The following UNC13A variants were observed in gnomAD, a reference collection of about 807,000 sequenced individuals.
UNC13A encodes the protein protein unc-13 homolog A.
Under a neutral mutation model 219.7 loss-of-function variants are expected in UNC13A, and 61 were observed. That is an observed-to-expected ratio of 0.28 (90% CI 0.23 to 0.34). The LOEUF (loss-of-function observed/expected upper bound fraction) is 0.34, where lower values mean the gene tolerates loss of function less well. Among genes scored for constraint, UNC13A ranks in the 10% least tolerant of loss-of-function variants. The probability of loss-of-function intolerance (pLI) is 1.00; values close to 1 mark genes in which losing one functional copy is unlikely to be tolerated. For synonymous variants in UNC13A, 920 were observed against 884.6 expected (o/e 1.04, Z -0.71); for missense variants, 1,476 against 2,270.3 (o/e 0.65, Z 7.11).
chr19:17,652,700 T>C lies in UNC13A; in HGVS notation c.1393-23A>G, dbSNP rs774623699. 5.6e-6 allele frequency: 9 copies of C among 1,613,364 alleles called. No homozygotes were observed. In the East Asian group the frequency reaches 6.7e-5, roughly 12 times the overall value. ...GGCCTGCAGGACAGACAGACAGATA[T>C]GGTCAGTGTGGCTGTCCCTCCCCTC... is the stretch of plus-strand genomic sequence containing the variant. On this transcript the variant is annotated intron_variant, in intron 11 of 43. Coordinates refer to ENST00000519716, the MANE Select transcript of UNC13A (RefSeq NM_001080421.3).
intron 1 of UNC13A, among the ~76,000 whole-genome samples, chr19:17,677,307 C>G (rs2079917108): frequency 6.6e-6 from 1 of 152,038 alleles, no homozygotes; most frequent in East Asian, 1.9e-4. Context: ...ACTCCCACCC[C>G]CAATCTTCTC....
At position 17,668,266 on chromosome 19, in the gene UNC13A, C is replaced by T; in HGVS notation, c.395-76G>A. On this transcript the variant is annotated intron_variant, in intron 5 of 43. Transcript: ENST00000519716. ...GCCTCCATCCTCCAGGCCTACTGAG[C>T]TCCACCCGGGCCCTGGCTTCTGGGG... is the stretch of plus-strand genomic sequence containing the variant. 13 of 1,456,570 alleles carry T rather than the reference C, an allele frequency of 8.9e-6. No individual in the cohort carries two copies. In the South Asian group the frequency reaches 9.5e-5, roughly 11 times the overall value. The allele number at this position is 1,456,570 out of a possible 1,614,324, so 90.2% of individuals were successfully genotyped here. A position where few individuals can be genotyped will look rare whatever the true frequency, so the allele number is the denominator to read the frequency against.
chr19:17,618,311 C>T (rs2287850), intron 40 of UNC13A, 110 bp downstream of exon 40: 497,835 of 1,161,790 alleles, frequency 0.43, 112,405 homozygotes, highest in African/African-American at 0.54. Context: ...GAGGGAGTGT[C>T]CATAAATTGA....
At chr19:17,653,866 A>G (rs2079399787) in intron 11 of UNC13A, among the ~76,000 whole-genome samples, 2 of 116,446 alleles carry the variant, frequency 1.7e-5, no homozygotes, top group Non-Finnish European at 3.3e-5. Context: ...TCGCTCTGTC[A>G]CCCAGGCTGG....
chr19:17,639,943 G>A (rs1301968411), intron 22 of UNC13A, 35 bp from the exon 23 acceptor site: 6 of 1,608,294 alleles, frequency 3.7e-6, no homozygotes, highest in Non-Finnish European at 5.1e-6. Flanking sequence ...GATGGATGGA[G>A]GCAGGACATG....
At chr19:17,617,905 A>G in intron 40 of UNC13A, 56 bp from the exon 41 acceptor site, 3 of 1,601,742 alleles carry the variant, frequency 1.9e-6, no homozygotes, top group Non-Finnish European at 2.6e-6. Context: ...ACCCACTCAT[A>G]GGGCTGGGTA....
At position 17,606,047 on chromosome 19, in the gene UNC13A, G is replaced by A. The variant is rs2076522215; in HGVS notation, c.*7C>T. On this transcript the variant is annotated 3_prime_UTR_variant, in exon 44 of 44. Coordinates refer to ENST00000519716, the MANE Select transcript of UNC13A (RefSeq NM_001080421.3). ...CAGGCGCAGTGCCGCTCGGCCGACCGCCCGCGCTAAGGCGCAGGCGCGGCA... is the reference window on the plus strand; with the variant it reads ...CAGGCGCAGTGCCGCTCGGCCGACCACCCGCGCTAAGGCGCAGGCGCGGCA... 2.6e-6 allele frequency: 4 copies of A among 1,512,130 alleles called. No homozygotes were observed. The highest frequency in any genetic ancestry group is 2.7e-5 in the East Asian group (1 of 36,882). The allele number at this position is 1,512,130 out of a possible 1,614,324, so 93.7% of individuals were successfully genotyped here.
chr19:17,644,923 C>T (rs2077008829), intron 19 of UNC13A, among the ~76,000 whole-genome samples: 1 of 151,694 alleles, frequency 6.6e-6, no homozygotes, highest in South Asian at 2.1e-4. Context: ...AACTCCTGGA[C>T]TCAAGTGATT....
intron 4 of UNC13A, 78 bp downstream of exon 4, chr19:17,672,300 C>A: frequency 8.8e-7 from 1 of 1,135,666 alleles, no homozygotes; most frequent in East Asian, 2.4e-5. Flanking sequence ...GATAAATGCC[C>A]ATCTTGTTTA....
Position 17,666,068 on chromosome 19 carries a change from CT to C in UNC13A, c.523+581del, listed in dbSNP as rs1485121640. On this transcript the variant is annotated intron_variant, in intron 7 of 43. Transcript: ENST00000519716. ...CCAAGTCTCAGAACTCTTCTCTTTC[CT>C]TTCCTTCCTTTCCTTTCTTTCCTTC... Among the ~76,000 whole-genome samples the C allele has an allele frequency of 9.0e-3, 722 of 80,234 alleles. 90 individuals carry two copies. The highest frequency in any genetic ancestry group is 0.01 in the Non-Finnish European group (359 of 35,382). The allele number at this position is 80,234 out of a possible 152,430, so 52.6% of individuals were successfully genotyped here. A position where few individuals can be genotyped will look rare whatever the true frequency, so the allele number is the denominator to read the frequency against.
At chr19:17,611,974 G>A in intron 41 of UNC13A, 119 bp from the exon 42 acceptor site, 1 of 785,704 alleles carries the variant, frequency 1.3e-6, no homozygotes, top group Non-Finnish European at 2.1e-6. Context: ...GCCCTGATAG[G>A]GAGGCACTGA....
intron 12 of UNC13A, among the ~76,000 whole-genome samples, chr19:17,651,405 T>C (rs1002578835): frequency 2.7e-5 from 4 of 150,766 alleles, no homozygotes; most frequent in Non-Finnish European, 4.5e-5. Flanking sequence ...TTGTATATTT[T>C]AGTAGAGACG....
chr19:17,682,809 T>A (rs1239528246), intron 1 of UNC13A, among the ~76,000 whole-genome samples: 1 of 152,112 alleles, frequency 6.6e-6, no homozygotes, highest in Non-Finnish European at 1.5e-5. Flanking sequence ...ATGCCTGTAA[T>A]CCCAGCACTT....
chr19:17,664,044 C>T (rs908936527), intron 7 of UNC13A, among the ~76,000 whole-genome samples: 1 of 151,614 alleles, frequency 6.6e-6, no homozygotes, highest in Non-Finnish European at 1.5e-5. Flanking sequence ...GTCTCAAACA[C>T]GTGGTCTCAA....
At chr19:17,618,240 G>A (rs971015224) in intron 40 of UNC13A, among the ~76,000 whole-genome samples, 181 bp downstream of exon 40, 5 of 152,184 alleles carry the variant, frequency 3.3e-5, no homozygotes, top group Non-Finnish European at 4.4e-5. Flanking sequence ...AGTCTTCCCC[G>A]ACCTGGGGCT....
rs948608807 is a variant in UNC13A at position 17,642,790 on chromosome 19, C to T, written c.2472+55G>A. The T allele has an allele frequency of 7.1e-5, 103 of 1,441,958 alleles. No individual in the cohort carries two copies. The African/African-American group carries it at 1.2e-3, about 17-fold the overall frequency. 89.3% of individuals were successfully genotyped at this position (1,441,958 alleles called of 1,614,324 possible). A position where few individuals can be genotyped will look rare whatever the true frequency, so the allele number is the denominator to read the frequency against. Reference sequence around the variant, plus strand: ...GTGGCCAGAAAGAGGAAGAGCTGGGCAGGCAGGAATGGTGAGTGGAAGTGG... The same window carrying T: ...GTGGCCAGAAAGAGGAAGAGCTGGGTAGGCAGGAATGGTGAGTGGAAGTGG... On this transcript the variant is annotated intron_variant, in intron 20 of 43. Transcript: ENST00000519716.
chr19:17,676,663 G>T (rs2079904674), intron 1 of UNC13A, among the ~76,000 whole-genome samples: 1 of 152,180 alleles, frequency 6.6e-6, no homozygotes, highest in African/African-American at 2.4e-5. Flanking sequence ...GTTTGGGGAA[G>T]CCTCAAAGAA....
In UNC13A at chr19:17,648,513, C is replaced by T. The variant is rs775913188; in HGVS notation, c.1734G>A (p.Ala578=). Residue 578 remains alanine (A), a synonymous_variant, in exon 16 of 44, where the codon GCG becomes GCA. Coordinates refer to ENST00000519716, the MANE Select transcript of UNC13A (RefSeq NM_001080421.3). ...ACTCGGTGCAGCGCATGCCCTGCCT[C>T]GCGATGCCCCACAGCAGCCCCTCGC... is the stretch of plus-strand genomic sequence containing the variant. ...YECEGLLWGI[A]RQGMRCTECG... 6 of 1,613,670 alleles carry T rather than the reference C, an allele frequency of 3.7e-6. No individual in the cohort carries two copies. The East Asian group carries it at 6.7e-5, about 18-fold the overall frequency.
intron 2 of UNC13A, among the ~76,000 whole-genome samples, chr19:17,675,206 C>T (rs1029404027): frequency 1.1e-4 from 16 of 151,868 alleles, no homozygotes; most frequent in African/African-American, 3.9e-4. Flanking sequence ...CAGTGGTGCA[C>T]GCCTGTGGTC....
Sources: allele counts gnomAD v4.1 joint callset (sites outside exome capture counted in the v4.1 genomes callset), GRCh38; gene constraint gnomAD v4.1.1; transcripts MANE v1.5; gene names NCBI Gene and HGNC (gene_info 2026-07-23, HGNC 2026-07-21).